The following FHAD1 variants were observed in gnomAD, a reference collection of about 807,000 sequenced individuals.
The protein encoded by FHAD1 is forkhead associated phosphopeptide binding domain 1.
Under a neutral mutation model 191.3 loss-of-function variants are expected in FHAD1, and 146 were observed. The observed-to-expected ratio is 0.76, with a 90% CI of 0.67 to 0.88. The LOEUF is 0.88. Ranked by LOEUF, FHAD1 falls within the 40% of genes least tolerant of loss-of-function variation. The probability of loss-of-function intolerance (pLI) is 0.00; values close to 1 mark genes in which losing one functional copy is unlikely to be tolerated. For synonymous variants in FHAD1, 616 were observed against 672.3 expected, an observed-to-expected ratio of 0.92 and a Z score of 1.29; for missense variants, 1,635 against 1,785.8, an observed-to-expected ratio of 0.92 and a Z score of 1.52.
intron 6 of FHAD1, among the ~76,000 whole-genome samples, chr1:15,303,644 G>A (rs1326248740): frequency 6.6e-6 from 1 of 152,226 alleles, no homozygotes; most frequent in Non-Finnish European, 1.5e-5. Flanking sequence ...GAGGTCAGGA[G>A]TTCGAGACCA....
chr1:15,328,653 T>G (rs1679903005), intron 13 of FHAD1: 1 of 397,294 alleles, frequency 2.5e-6, no homozygotes, highest in Non-Finnish European at 4.5e-6. Context: ...TGCCTGAGCA[T>G]CTTCAATTAC....
At chr1:15,389,936 T>C (rs541262153) in intron 32 of FHAD1, among the ~76,000 whole-genome samples, 1 of 152,364 alleles carries the variant, frequency 6.6e-6, no homozygotes, top group African/African-American at 2.4e-5. Flanking sequence ...CTGTATTTTA[T>C]CTGGCAACCC....
At chr1:15,238,830 G>T (rs1318173509) in intron 1 of FHAD1, among the ~76,000 whole-genome samples, 1 of 152,190 alleles carries the variant, frequency 6.6e-6, no homozygotes, top group Non-Finnish European at 1.5e-5. Flanking sequence ...ACACATCAAA[G>T]CTTCCTCCCA....
chr1:15,347,585 G>T (rs943898892), intron 18 of FHAD1, among the ~76,000 whole-genome samples: 11 of 152,220 alleles, frequency 7.2e-5, no homozygotes, highest in African/African-American at 2.4e-4. Flanking sequence ...AAGTAGCTGG[G>T]ACTACAGGTG....
chr1:15,317,873 G>C lies in FHAD1; in HGVS notation c.1310G>C (p.Arg437Thr), dbSNP rs561380221. Reference protein sequence around the residue: ...KEMKKLRAELRKSCTEQSVIS... With the variant: ...KEMKKLRAELTKSCTEQSVIS... ...ATGAAGAAGCTTAGGGCAGAGCTGA[G>C]GAAGAGTTGTACTGAACAAAGCGTG... is the stretch of plus-strand genomic sequence containing the variant. The change falls in exon 10 of 34, where the codon AGG (arginine) becomes ACG (threonine). Residue 437 changes from arginine to threonine, a missense_variant. Transcript: ENST00000688493. The C allele has an allele frequency of 6.4e-7, 1 of 1,551,764 alleles. No homozygotes were observed. The highest frequency in any genetic ancestry group is 1.4e-5 in the African/African-American group (1 of 73,172).
intron 3 of FHAD1, among the ~76,000 whole-genome samples, chr1:15,274,146 G>T (rs1163355851): frequency 6.6e-6 from 1 of 152,160 alleles, no homozygotes; most frequent in Admixed American, 6.5e-5. Flanking sequence ...TCTTCCATGG[G>T]TAGACACGTG....
intron 1 of FHAD1, among the ~76,000 whole-genome samples, chr1:15,250,196 C>T (rs1646610852): frequency 6.6e-6 from 1 of 152,162 alleles, no homozygotes; most frequent in Admixed American, 6.5e-5. Context: ...TGTTGTTGTT[C>T]TTTGACAAGG....
chr1:15,366,247 T>C (rs1178633667), intron 24 of FHAD1, among the ~76,000 whole-genome samples: 1 of 127,670 alleles, frequency 7.8e-6, no homozygotes, highest in African/African-American at 3.1e-5. Flanking sequence ...ATCGCGCCAC[T>C]GCACTCCAGC....
Position 15,327,341 on chromosome 1 carries a change from T to C in FHAD1, c.1557+199T>C, listed in dbSNP as rs1160199543. 4 of 535,952 alleles carry C rather than the reference T, an allele frequency of 7.5e-6. No individual in the cohort carries two copies. In the East Asian group the frequency reaches 1.3e-4, roughly 17 times the overall value. The allele number at this position is 535,952 out of a possible 1,614,324, so 33.2% of individuals were successfully genotyped here. On this transcript the variant is annotated intron_variant, in intron 12 of 33. Transcript: ENST00000688493. This position sits in a 1 kb window ranked among gnomAD's most constrained non-coding sequence, Gnocchi z 5.1. ...AAGTAAAAGCCAGTTAAAACTCCCT[T>C]GAAATGTGTCTGTGAAAATCAAATT... is the stretch of plus-strand genomic sequence containing the variant.
At chr1:15,362,199 G>A (rs1239860001) in intron 22 of FHAD1, among the ~76,000 whole-genome samples, 3 of 152,198 alleles carry the variant, frequency 2.0e-5, no homozygotes, top group East Asian at 3.8e-4. Flanking sequence ...GGATAAACAA[G>A]TGAGTGAACA....
chr1:15,303,958 C>G (rs1183613193), intron 6 of FHAD1, among the ~76,000 whole-genome samples: 1 of 152,198 alleles, frequency 6.6e-6, no homozygotes, highest in African/African-American at 2.4e-5. Flanking sequence ...AACAAAGCAT[C>G]TCTGAGCTAA....
intron 20 of FHAD1, among the ~76,000 whole-genome samples, chr1:15,354,557 C>T (rs1215878178): frequency 2.6e-5 from 4 of 152,104 alleles, no homozygotes. Flanking sequence ...GCAGCCGTGT[C>T]CCCCAGATGA....
At chr1:15,352,557 C>A (rs564597087) in intron 19 of FHAD1, among the ~76,000 whole-genome samples, 23 of 152,274 alleles carry the variant, frequency 1.5e-4, no homozygotes, top group African/African-American at 5.3e-4. Context: ...CCAGCACATG[C>A]CAGTTTATTT....
chr1:15,267,469 A>G (rs1278084656), intron 2 of FHAD1, among the ~76,000 whole-genome samples: 2 of 152,148 alleles, frequency 1.3e-5, no homozygotes, highest in Non-Finnish European at 2.9e-5. Flanking sequence ...GGCCTCACAG[A>G]ATAAGTTAGG....
rs1397589764 is a variant in FHAD1, at chr1:15,247,277, C to A, written c.-133C>A. The A allele has an allele frequency of 1.1e-5, 2 of 183,144 alleles. No individual in the cohort carries two copies. The highest frequency in any genetic ancestry group is 6.6e-5 in the South Asian group (1 of 15,188). 11.3% of individuals were successfully genotyped at this position (183,144 alleles called of 1,614,324 possible). A position where few individuals can be genotyped will look rare whatever the true frequency, so the allele number is the denominator to read the frequency against. ...GGCCGGGCGGGCGGGGTGCCGGGTG[C>A]GAGCTGGAGACTCCGCGGGAGCGCG... On this transcript the variant is annotated 5_prime_UTR_variant, in exon 1 of 34. Coordinates refer to ENST00000688493, the MANE Select transcript of FHAD1 (RefSeq NM_001391957.1).
chr1:15,295,621 C>G (rs147008351), intron 4 of FHAD1, among the ~76,000 whole-genome samples: 5 of 151,218 alleles, frequency 3.3e-5, no homozygotes, highest in Admixed American at 6.6e-5. Flanking sequence ...GTGTGTGTGT[C>G]TCTCTCTCTA....
At chr1:15,293,439 G>A (rs770831325) in intron 4 of FHAD1, among the ~76,000 whole-genome samples, 74 of 152,140 alleles carry the variant, frequency 4.9e-4, no homozygotes, top group Admixed American at 7.9e-4. Context: ...GTTCCTTGTG[G>A]CCAGGCGCGG....
At chr1:15,371,092 C>G (rs148378600) in intron 26 of FHAD1, among the ~76,000 whole-genome samples, 1 of 152,198 alleles carries the variant, frequency 6.6e-6, no homozygotes, top group Non-Finnish European at 1.5e-5. Context: ...TCCACGTGGC[C>G]GTAAGCTCCG....
intron 14 of FHAD1, among the ~76,000 whole-genome samples, chr1:15,330,708 G>C (rs561340024): frequency 3.6e-4 from 55 of 152,318 alleles, no homozygotes; most frequent in African/African-American, 1.3e-3. Flanking sequence ...CAGCGTGGTG[G>C]CAGGGGAGCA....
Sources: allele counts gnomAD v4.1 joint callset (sites outside exome capture counted in the v4.1 genomes callset), GRCh38; gene constraint gnomAD v4.1.1; non-coding constraint Gnocchi (gnomAD v3.1); transcripts MANE v1.5; gene names NCBI Gene and HGNC (gene_info 2026-07-23, HGNC 2026-07-21).